Variants in MRM1 observed in about 807,000 individuals in gnomAD.
The protein encoded by MRM1 is mitochondrial rRNA methyltransferase 1.
A neutral mutation model predicts 25.0 loss-of-function variants in MRM1; 24 were observed. The ratio of observed to expected loss-of-function variants is 0.96; its 90% CI spans 0.69 to 1.35. The LOEUF is 1.35. Among genes scored for constraint, MRM1 ranks in the 40% most tolerant of loss-of-function variants. MRM1 has a pLI of 0.00. For missense variants in MRM1, 431 were observed against 464.1 expected (o/e 0.93, Z 0.65); for synonymous variants, 188 against 199.2 (o/e 0.94, Z 0.47).
At position 36,602,375 on chromosome 17, in the gene MRM1, A is replaced by T. The variant is rs142924379; in HGVS notation, c.542+23A>T. 1.4e-4 allele frequency: 218 copies of T among 1,551,222 alleles called. 2 individuals carry two copies. In the Middle Eastern group the frequency reaches 1.6e-3, roughly 11 times the overall value. On this transcript the variant is annotated intron_variant, in intron 1 of 4. Coordinates refer to ENST00000614766, the MANE Select transcript of MRM1 (RefSeq NM_024864.5). The surrounding 1 kb of genome is among the most constrained non-coding windows in gnomAD (Gnocchi z 4.1). The stretch of plus-strand genomic sequence containing the variant: ...CAGGCACGGACGTCCCTCATTCTCT[A>T]TGTGCCCCAACTTGGAGACGCAGCC...
chr17:36,632,640 C>T, the MRM1 span, among the ~76,000 whole-genome samples: 1 of 152,122 alleles, frequency 6.6e-6, no homozygotes, highest in Admixed American at 6.5e-5. Flanking sequence ...TCTTTCTCAG[C>T]TCATTGATTG....
At chr17:36,606,111 G>A (rs959718145) in intron 2 of MRM1, among the ~76,000 whole-genome samples, 3 of 152,156 alleles carry the variant, frequency 2.0e-5, no homozygotes, top group African/African-American at 7.2e-5. Context: ...ATGCCAGGGA[G>A]GCACCTGCCT....
At chr17:36,606,811 A>G (rs1426677025) in intron 2 of MRM1, among the ~76,000 whole-genome samples, 3 of 151,340 alleles carry the variant, frequency 2.0e-5, no homozygotes, top group African/African-American at 7.3e-5. Flanking sequence ...GAGTTTCACC[A>G]TGTTAGCCAG....
At chr17:36,613,103 T>A (rs2142848758), downstream of MRM1, among the ~76,000 whole-genome samples, 1 of 152,208 alleles carries the variant, frequency 6.6e-6, no homozygotes, top group African/African-American at 2.4e-5. Flanking sequence ...TGGCAGTGAC[T>A]TGGTATTCTC....
chr17:36,610,434 G>C (rs1431608188), downstream of MRM1, among the ~76,000 whole-genome samples: 1 of 152,052 alleles, frequency 6.6e-6, no homozygotes, highest in Non-Finnish European at 1.5e-5. Flanking sequence ...GGGTTTCACC[G>C]TGTTAGCCAG....
At chr17:36,603,274 T>G in intron 2 of MRM1, 1 of 959,734 alleles carries the variant, frequency 1.0e-6, no homozygotes, top group Non-Finnish European at 1.2e-6. Context: ...AAATATGGTG[T>G]GAGAAACATA....
the MRM1 span, among the ~76,000 whole-genome samples, chr17:36,619,947 G>T: frequency 2.6e-5 from 4 of 152,152 alleles, no homozygotes; most frequent in African/African-American, 9.7e-5. Context: ...CCGGTCATTT[G>T]TGATGTCGGG....
intron 2 of MRM1, 118 bp from the exon 3 acceptor site, chr17:36,607,552 G>A (rs181379869): frequency 1.1e-4 from 140 of 1,232,290 alleles, no homozygotes; most frequent in Middle Eastern, 5.4e-4. Context: ...GAACCCAGGC[G>A]GTTGAGGCTG....
chr17:36,617,688 G>A, the MRM1 span, among the ~76,000 whole-genome samples: 48 of 152,146 alleles, frequency 3.2e-4, no homozygotes, highest in African/African-American at 8.2e-4. Flanking sequence ...GAGCCACTGC[G>A]CCTGGCCAAC....
intron 2 of MRM1, among the ~76,000 whole-genome samples, chr17:36,603,938 G>A (rs2074905431): frequency 6.6e-6 from 1 of 152,164 alleles, no homozygotes; most frequent in African/African-American, 2.4e-5. Flanking sequence ...CCCCTGAACA[G>A]GTAGCTTCTG....
intron 2 of MRM1, among the ~76,000 whole-genome samples, chr17:36,606,401 G>T (rs529668242): frequency 1.3e-5 from 2 of 148,678 alleles, no homozygotes; most frequent in East Asian, 4.0e-4. Flanking sequence ...CTTGGCCAGG[G>T]CTCTGATGGA....
At chr17:36,629,081 G>C in the MRM1 span, among the ~76,000 whole-genome samples, 35 of 152,158 alleles carry the variant, frequency 2.3e-4, no homozygotes, top group Middle Eastern at 3.2e-3. Context: ...TCTTGTTTAA[G>C]ATTTGCCAAA....
At chr17:36,630,029 TCC>T in the MRM1 span, among the ~76,000 whole-genome samples, 1 of 152,320 alleles carries the variant, frequency 6.6e-6, no homozygotes, top group African/African-American at 2.4e-5. Flanking sequence ...CAGGTTTGTG[TCC>T]CTGTTTAGGC....
At chr17:36,604,510 T>G (rs1380293597) in intron 2 of MRM1, among the ~76,000 whole-genome samples, 1 of 152,164 alleles carries the variant, frequency 6.6e-6, no homozygotes, top group Non-Finnish European at 1.5e-5. Flanking sequence ...GTTGTTGTTG[T>G]TAAGAGATGG....
intron 2 of MRM1, among the ~76,000 whole-genome samples, chr17:36,603,862 C>CT: frequency 6.6e-6 from 1 of 152,264 alleles, no homozygotes; most frequent in South Asian, 2.1e-4. Flanking sequence ...TTTGGCTTCA[C>CT]TTTTTTGTAG....
chr17:36,625,313 C>T, the MRM1 span, among the ~76,000 whole-genome samples: 1 of 126,588 alleles, frequency 7.9e-6, no homozygotes, highest in African/African-American at 3.3e-5. Context: ...GTTTCTTCTT[C>T]TTTCTTCTCC....
chr17:36,602,595 T>A lies in MRM1; in HGVS notation c.585T>A (p.Ala195=). 6.2e-7 allele frequency: 1 copy of A among 1,614,140 alleles called. No individual in the cohort carries two copies. Among genetic ancestry groups the A allele is most frequent in the Non-Finnish European group, 8.5e-7 (1 of 1,180,016 alleles). The change falls in exon 2 of 5, where the codon GCT becomes GCA. Residue 195 remains alanine (A), a synonymous_variant. Coordinates refer to ENST00000614766, the MANE Select transcript of MRM1 (RefSeq NM_024864.5). The surrounding 1 kb of genome is among the most constrained non-coding windows in gnomAD (Gnocchi z 4.1). ...TPVVSKSSAG[A]MEVMDVFSTD... ...TAGTCAGCAAGTCCAGCGCGGGGGC[T>A]ATGGAGGTGATGGACGTGTTCTCCA...
At chr17:36,626,580 C>T in the MRM1 span, among the ~76,000 whole-genome samples, 1 of 152,084 alleles carries the variant, frequency 6.6e-6, no homozygotes, top group Non-Finnish European at 1.5e-5. Context: ...AGGCTGATCT[C>T]GAACTCCTGA....
chr17:36,609,148 T>C (rs35767371), downstream of MRM1, among the ~76,000 whole-genome samples: 75,987 of 152,038 alleles, frequency 0.5, 20,990 homozygotes, highest in African/African-American at 0.75. Context: ...GTCAGTTCCC[T>C]TCAAGGGGAG....
Sources: allele counts gnomAD v4.1 joint callset (sites outside exome capture counted in the v4.1 genomes callset), GRCh38; gene constraint gnomAD v4.1.1; non-coding constraint Gnocchi (gnomAD v3.1); transcripts MANE v1.5; gene names NCBI Gene and HGNC (gene_info 2026-07-23, HGNC 2026-07-21).